Variants in BCKDHB observed in about 807,000 individuals in gnomAD.
The protein encoded by BCKDHB is branched chain keto acid dehydrogenase E1 subunit beta, also known as 2-oxoisovalerate dehydrogenase subunit beta, mitochondrial.
Under a neutral mutation model 48.5 loss-of-function variants are expected in BCKDHB, and 41 were observed. The ratio of observed to expected loss-of-function variants is 0.85; its 90% CI spans 0.66 to 1.10. BCKDHB has a LOEUF of 1.10. Among genes scored for constraint, BCKDHB ranks in the 50% least tolerant of loss-of-function variants. BCKDHB has a pLI of 0.00. For missense variants in BCKDHB, 496 were observed against 494.2 expected, an observed-to-expected ratio of 1.00 and a Z score of -0.03; for synonymous variants, 201 against 174.8, an observed-to-expected ratio of 1.15 and a Z score of -1.18.
chr6:80,394,901 T>A, the BCKDHB span, among the ~76,000 whole-genome samples: 1 of 152,140 alleles, frequency 6.6e-6, no homozygotes, highest in Non-Finnish European at 1.5e-5. Context: ...CTTGTGATAG[T>A]GAGTTCTCAG....
At chr6:80,197,048 C>A (rs929093022) in intron 6 of BCKDHB, among the ~76,000 whole-genome samples, 16 of 152,116 alleles carry the variant, frequency 1.1e-4, no homozygotes, top group Admixed American at 9.2e-4. Context: ...AGAGCGGTGT[C>A]AGTTAGTCCC....
At chr6:80,309,046 A>G (rs1768023541) in intron 9 of BCKDHB, among the ~76,000 whole-genome samples, 1 of 151,740 alleles carries the variant, frequency 6.6e-6, no homozygotes, top group African/African-American at 2.4e-5. Flanking sequence ...GTCTACTATT[A>G]AAAGTATAGT....
the BCKDHB span, among the ~76,000 whole-genome samples, chr6:80,368,459 T>A: frequency 1.3e-5 from 2 of 152,226 alleles, no homozygotes; most frequent in Non-Finnish European, 2.9e-5. Context: ...ATATCCTTAT[T>A]TCTTTTCAAA....
chr6:80,273,238 A>C lies in BCKDHB; in HGVS notation c.1038+17A>C, dbSNP rs2127965316. ...ACAGTTCAGGTAGAGTAATTTTTGG[A>C]ACTGATTTCAATGCTTGTGCAATTC... On this transcript the variant is annotated intron_variant, in intron 9 of 9. Transcript: ENST00000320393. 6.2e-7 allele frequency: 1 copy of C among 1,600,174 alleles called. No individual in the cohort carries two copies. The highest frequency in any genetic ancestry group is 1.1e-5 in the South Asian group (1 of 90,812).
intron 9 of BCKDHB, among the ~76,000 whole-genome samples, chr6:80,341,537 T>G (rs1769906966): frequency 6.6e-6 from 1 of 152,184 alleles, no homozygotes. Context: ...GAAAGAGTGA[T>G]GCTTGCATTC....
chr6:80,256,231 A>G (rs1777044614), intron 8 of BCKDHB, among the ~76,000 whole-genome samples: 1 of 152,204 alleles, frequency 6.6e-6, no homozygotes, highest in South Asian at 2.1e-4. Flanking sequence ...CGACAGGAGT[A>G]CATTCTGAGA....
At chr6:80,315,182 G>A (rs1339308000) in intron 9 of BCKDHB, among the ~76,000 whole-genome samples, 3 of 152,106 alleles carry the variant, frequency 2.0e-5, no homozygotes, top group Non-Finnish European at 2.9e-5. Flanking sequence ...TGGGGATCCC[G>A]GGGCCAGAGT....
At chr6:80,416,528 C>A in the BCKDHB span, among the ~76,000 whole-genome samples, 1 of 151,832 alleles carries the variant, frequency 6.6e-6, no homozygotes, top group Non-Finnish European at 1.5e-5. Context: ...GCTTTAATTT[C>A]ATTAATTATC....
the BCKDHB span, among the ~76,000 whole-genome samples, chr6:80,451,006 G>A: frequency 2.6e-5 from 4 of 152,074 alleles, no homozygotes; most frequent in Non-Finnish European, 4.4e-5. Context: ...AACTAAAGAC[G>A]TCATGAGGAA....
intron 3 of BCKDHB, among the ~76,000 whole-genome samples, chr6:80,160,616 T>C (rs933794393): frequency 1.3e-5 from 2 of 152,244 alleles, no homozygotes; most frequent in Non-Finnish European, 2.9e-5. Context: ...ATATGAAGTT[T>C]AGTATTGTGT....
chr6:80,225,760 A>C (rs759459473), intron 8 of BCKDHB, among the ~76,000 whole-genome samples: 25 of 151,832 alleles, frequency 1.6e-4, no homozygotes, highest in Non-Finnish European at 2.6e-4. Flanking sequence ...TTTTTTCCCC[A>C]CTTTTCTTCA....
At chr6:80,305,095 A>C (rs1244409948) in intron 9 of BCKDHB, among the ~76,000 whole-genome samples, 1 of 152,168 alleles carries the variant, frequency 6.6e-6, no homozygotes, top group African/African-American at 2.4e-5. Flanking sequence ...GATTTTCTAC[A>C]TAGAAAATCT....
intron 8 of BCKDHB, among the ~76,000 whole-genome samples, chr6:80,225,919 C>T (rs1775658907): frequency 1.3e-5 from 2 of 152,130 alleles, no homozygotes. Context: ...TCACCTGTTT[C>T]CTTTCCTAGG....
In BCKDHB at chr6:80,254,195, T is replaced by A. The variant is rs116698069; in HGVS notation, c.952-18940T>A. ...TATCCTAATATATTATTAATTTATT[T>A]ACTTTATTATTTTATTATTATTTAC... On this transcript the variant is annotated intron_variant, in intron 8 of 9. Transcript: ENST00000320393. Among the ~76,000 whole-genome samples, 455 of 151,534 alleles carry A rather than the reference T, an allele frequency of 3.0e-3. 1 individual carries two copies. Among genetic ancestry groups the A allele is most frequent in the African/African-American group, 0.011 (440 of 41,432 alleles).
intron 7 of BCKDHB, 79 bp from the exon 8 acceptor site, chr6:80,203,023 T>C: frequency 1.1e-6 from 1 of 923,514 alleles, no homozygotes; most frequent in Non-Finnish European, 1.8e-6. Context: ...CTGTCTCTAA[T>C]AGTGACATCA....
Position 80,236,135 on chromosome 6 carries a change from T to A in BCKDHB, c.951+32923T>A, listed in dbSNP as rs1042713212. Among the ~76,000 whole-genome samples the A allele has an allele frequency of 2.0e-5, 3 of 150,832 alleles. No individual in the cohort carries two copies. The Admixed American group carries it at 2.0e-4, about 10-fold the overall frequency. ...CTTTAGCCATTTTGGTATGCTGTTATTCTTTAATAAAATATCAGACTGTGA... is the reference window on the plus strand; with the variant it reads ...CTTTAGCCATTTTGGTATGCTGTTAATCTTTAATAAAATATCAGACTGTGA... On this transcript the variant is annotated intron_variant, in intron 8 of 9. Coordinates refer to ENST00000320393, the MANE Select transcript of BCKDHB (RefSeq NM_183050.4).
At chr6:80,376,377 A>C in the BCKDHB span, among the ~76,000 whole-genome samples, 79,484 of 151,908 alleles carry the variant, frequency 0.52, 21,272 homozygotes, top group Non-Finnish European at 0.59. Flanking sequence ...CCCCAGCAGC[A>C]CCAAGTTTAT....
At position 80,345,016 on chromosome 6, in the gene BCKDHB, CACCACT is replaced by C. The variant is rs908813137; in HGVS notation, c.*1217_*1222del. ...CAAACAAACAAACCCTAAAACTCAG[CACCACT>C]ACCATTTCCAGAAGCTTTTTTAACA... On this transcript the variant is annotated 3_prime_UTR_variant, in exon 10 of 10. Coordinates refer to ENST00000320393, the MANE Select transcript of BCKDHB (RefSeq NM_183050.4). 1.3e-5 allele frequency: 2 copies of C among 152,170 alleles called. No homozygotes were observed. The highest frequency in any genetic ancestry group is 1.3e-4 in the Admixed American group (2 of 15,282). 9.4% of individuals were successfully genotyped at this position (152,170 alleles called of 1,614,324 possible).
chr6:80,257,713 A>T (rs1490707993), intron 8 of BCKDHB, among the ~76,000 whole-genome samples: 2 of 151,912 alleles, frequency 1.3e-5, no homozygotes, highest in Non-Finnish European at 1.5e-5. Flanking sequence ...CAATAGCGTT[A>T]CTCTGAGAAC....
Sources: gnomAD v4.1 joint callset for allele counts (sites outside exome capture counted in the v4.1 genomes callset) on GRCh38, gnomAD v4.1.1 for gene constraint, MANE v1.5 for transcripts, NCBI Gene and HGNC (gene_info 2026-07-23, HGNC 2026-07-21) for gene names.